Variants in CGAS observed in about 807,000 individuals in gnomAD.
CGAS encodes the protein 2'3'-cGAMP synthase.
Under a neutral mutation model 34.0 loss-of-function variants are expected in CGAS, and 31 were observed. The ratio of observed to expected loss-of-function variants is 0.91; its 90% confidence interval spans 0.69 to 1.23. CGAS has a LOEUF of 1.23. CGAS is among the 50% of genes most tolerant of loss of function. The pLI is 0.00. For missense variants in CGAS, 597 were observed against 657.6 expected (o/e 0.91, Z 1.01); for synonymous variants, 266 against 260.0 (o/e 1.02, Z -0.22).
intron 1 of CGAS, among the ~76,000 whole-genome samples, chr6:73,451,227 C>T (rs929535197): frequency 3.3e-5 from 5 of 152,248 alleles, no homozygotes; most frequent in African/African-American, 9.6e-5. Flanking sequence ...AAACACTGCC[C>T]TGTTACGGAA....
Position 73,428,742 on chromosome 6 carries a change from G to A in CGAS, c.1184C>T (p.Thr395Met), listed in dbSNP as rs376147946. ...TTTCTCTTCTTTGTTTTCACAGCAC[G>A]TTTTAGATTTTCCATGATTGTTCAA... ...EILNNHGKSK[T>M]CCENKEEKCC... Residue 395 changes from threonine (T) to methionine (M), a missense_variant, in exon 4 of 5, where the codon ACG becomes ATG. Thr to Met is a moderately conservative substitution (Grantham distance 81, BLOSUM62 -1). This residue lies in a region of CGAS where 271 missense variants were observed against 324.1 expected (regional missense o/e 0.84). Coordinates refer to ENST00000370315, the MANE Select transcript of CGAS (RefSeq NM_138441.3). 1.1e-5 allele frequency: 18 copies of A among 1,613,632 alleles called. No individual in the cohort carries two copies. Among genetic ancestry groups the A allele is most frequent in the Non-Finnish European group, 1.4e-5 (17 of 1,179,918 alleles).
chr6:73,440,922 A>C (rs1770367838), intron 2 of CGAS, among the ~76,000 whole-genome samples: 1 of 151,822 alleles, frequency 6.6e-6, no homozygotes, highest in South Asian at 2.1e-4. Flanking sequence ...AAAAAACAAA[A>C]AACAAAAAAC....
In CGAS at chr6:73,425,484, CATG is replaced by C. The variant is rs749441560; in HGVS notation, c.1309_1311del (p.His437del). The C allele has an allele frequency of 6.8e-6, 11 of 1,613,976 alleles. No homozygotes were observed. Among genetic ancestry groups the C allele is most frequent in the Middle Eastern group, 1.6e-4 (1 of 6,062 alleles). ...CATACGTGAAAGAAGGCAGTTTTCA[CATG>C]ATAAGAAGAGAATTTATCCAGATGT... On this transcript the variant is annotated inframe_deletion, in exon 5 of 5. Coordinates refer to ENST00000370315, the MANE Select transcript of CGAS (RefSeq NM_138441.3).
chr6:73,439,789 T>C, intron 3 of CGAS: 1 of 165,578 alleles, frequency 6.0e-6, no homozygotes, highest in South Asian at 1.6e-4. Context: ...CAGAACTGCA[T>C]GCACATTTTA....
At chr6:73,441,190 T>C (rs947266384) in intron 2 of CGAS, among the ~76,000 whole-genome samples, 12 of 151,394 alleles carry the variant, frequency 7.9e-5, no homozygotes, top group Admixed American at 2.0e-4. Flanking sequence ...CCGGGTTCAA[T>C]TGATCCTCCT....
chr6:73,443,553 T>C lies in CGAS; in HGVS notation c.877+1975A>G, dbSNP rs75324621. Among the ~76,000 whole-genome samples the C allele has an allele frequency of 7.3e-4, 111 of 152,210 alleles. 1 individual carries two copies. The East Asian group carries it at 0.015, about 20-fold the overall frequency. Reference sequence around the variant, plus strand: ...GCGCCTGGCTCTTCCCAAACTCTAATGGAATTCTCTTCTTACCACTCTACT... The same window carrying C: ...GCGCCTGGCTCTTCCCAAACTCTAACGGAATTCTCTTCTTACCACTCTACT... On this transcript the variant is annotated intron_variant, in intron 2 of 4. Transcript: ENST00000370315.
chr6:73,428,183 C>A (rs1770121259), intron 4 of CGAS, among the ~76,000 whole-genome samples: 2 of 151,286 alleles, frequency 1.3e-5, no homozygotes, highest in Non-Finnish European at 2.9e-5. Context: ...GTAATTGTGC[C>A]ACTGCACTCC....
intron 4 of CGAS, among the ~76,000 whole-genome samples, chr6:73,426,475 A>G (rs965311615): frequency 6.6e-6 from 1 of 151,306 alleles, no homozygotes; most frequent in South Asian, 2.1e-4. Flanking sequence ...GCTTAAATAT[A>G]TTCTATGAAT....
chr6:73,450,858 C>T (rs1770551851), intron 1 of CGAS, among the ~76,000 whole-genome samples: 1 of 151,574 alleles, frequency 6.6e-6, no homozygotes, highest in Admixed American at 6.6e-5. Context: ...GGCATGGTGG[C>T]GGGCGCCTGT....
intron 1 of CGAS, among the ~76,000 whole-genome samples, chr6:73,448,694 G>A (rs1278258594): frequency 3.3e-5 from 5 of 152,052 alleles, no homozygotes; most frequent in Non-Finnish European, 7.4e-5. Context: ...TCACTATGTT[G>A]TCCAGGCTGG....
chr6:73,424,480 G>A lies in CGAS; in HGVS notation c.*747C>T, dbSNP rs971939348. On this transcript the variant is annotated 3_prime_UTR_variant, in exon 5 of 5. Coordinates refer to ENST00000370315, the MANE Select transcript of CGAS (RefSeq NM_138441.3). ...GTATTTCCTGGCCAGGCACGGCGGA[G>A]AGCTGTTTTTCAGTAAGAACTTGAT... The A allele has an allele frequency of 6.7e-6, 1 of 149,892 alleles. No homozygotes were observed. The highest frequency in any genetic ancestry group is 1.5e-5 in the Non-Finnish European group (1 of 67,662). 9.3% of individuals were successfully genotyped at this position (149,892 alleles called of 1,614,324 possible).
chr6:73,445,292 G>C (rs1280242758), intron 2 of CGAS, among the ~76,000 whole-genome samples: 1 of 151,434 alleles, frequency 6.6e-6, no homozygotes, highest in Non-Finnish European at 1.5e-5. Context: ...AGGTGTTCTA[G>C]TTATTTAGGA....
intron 1 of CGAS, 129 bp from the exon 2 acceptor site, chr6:73,445,876 C>T: frequency 1.6e-6 from 1 of 642,744 alleles, no homozygotes; most frequent in African/African-American, 1.8e-5. Context: ...TATATATACC[C>T]TCTGGGAGTG....
chr6:73,439,127 G>A (rs971808132), intron 3 of CGAS, among the ~76,000 whole-genome samples: 13 of 151,680 alleles, frequency 8.6e-5, no homozygotes, highest in Non-Finnish European at 1.9e-4. Flanking sequence ...TGGTTCATTT[G>A]TTTTATGGTC....
intron 3 of CGAS, among the ~76,000 whole-genome samples, chr6:73,434,983 T>C (rs1217427004): frequency 6.6e-6 from 1 of 152,094 alleles, no homozygotes; most frequent in Non-Finnish European, 1.5e-5. Flanking sequence ...ATATCAATAT[T>C]GGTTTATTAA....
rs369665603 is a variant in CGAS at position 73,451,619 on chromosome 6, C to A, written c.563G>T (p.Gly188Val). 36 of 1,614,058 alleles carry A rather than the reference C, an allele frequency of 2.2e-5. No homozygotes were observed. The highest frequency in any genetic ancestry group is 2.9e-5 in the Non-Finnish European group (34 of 1,180,042). ...DISTAAGMVK[G>V]VVDHLLLRLK... ...TCTGAGCAGCAGGTGGTCCACAACC[C>A]CTTTCACCATCCCCGCCGCCGTGGA... The change falls in exon 1 of 5, where the codon GGG (glycine) becomes GTG (valine). Residue 188 changes from glycine to valine, a missense_variant. This residue lies in a region of CGAS where 321 missense variants were observed against 314.3 expected (regional missense o/e 1.02). Transcript: ENST00000370315.
chr6:73,435,311 G>A (rs1450157620), intron 3 of CGAS, among the ~76,000 whole-genome samples: 1 of 152,130 alleles, frequency 6.6e-6, no homozygotes, highest in Non-Finnish European at 1.5e-5. Flanking sequence ...TACTTTTTGA[G>A]ATATCATTTT....
intron 1 of CGAS, among the ~76,000 whole-genome samples, chr6:73,450,336 AC>A (rs933445874): frequency 6.6e-6 from 1 of 151,246 alleles, no homozygotes; most frequent in African/African-American, 2.4e-5. Flanking sequence ...AATCGCTTGA[AC>A]CTGGGAGGTG....
chr6:73,426,515 T>G (rs2150808427), intron 4 of CGAS, among the ~76,000 whole-genome samples: 1 of 150,874 alleles, frequency 6.6e-6, no homozygotes, highest in East Asian at 1.9e-4. Flanking sequence ...TAACAGATAT[T>G]TATACTATTT....
Sources: allele counts gnomAD v4.1 joint callset (sites outside exome capture counted in the v4.1 genomes callset), GRCh38; gene constraint gnomAD v4.1.1; regional missense constraint gnomAD v4.1.1; transcripts MANE v1.5; gene names NCBI Gene and HGNC (gene_info 2026-07-23, HGNC 2026-07-21).